STAG1: variants seen among roughly 807,000 people sequenced by gnomAD.
STAG1 encodes the protein cohesin subunit SA-1.
A neutral mutation model predicts 170.9 loss-of-function variants in STAG1; 26 were observed. The observed-to-expected ratio is 0.15, with a 90% CI of 0.11 to 0.21. The LOEUF (loss-of-function observed/expected upper bound fraction) is 0.21, where lower values mean the gene tolerates loss of function less well. Among genes scored for constraint, STAG1 ranks in the 10% least tolerant of loss-of-function variants. The pLI is 1.00. For missense variants in STAG1, 964 were observed against 1,509.5 expected, an observed-to-expected ratio of 0.64 and a Z score of 5.99; for synonymous variants, 514 against 497.7, an observed-to-expected ratio of 1.03 and a Z score of -0.44.
chr3:136,574,149 G>A (rs571591154), intron 4 of STAG1, among the ~76,000 whole-genome samples: 77 of 152,202 alleles, frequency 5.1e-4, no homozygotes, highest in African/African-American at 1.8e-3. Flanking sequence ...GCTGAGGCAG[G>A]AGAATTGGTT....
At chr3:136,364,228 GT>G (rs1936987198) in intron 25 of STAG1, among the ~76,000 whole-genome samples, 1 of 151,832 alleles carries the variant, frequency 6.6e-6, no homozygotes, top group Non-Finnish European at 1.5e-5. Flanking sequence ...GACAACAGGT[GT>G]GTGCCACCAT....
intron 10 of STAG1, among the ~76,000 whole-genome samples, chr3:136,475,941 T>C (rs1290128713): frequency 6.6e-6 from 1 of 152,140 alleles, no homozygotes; most frequent in African/African-American, 2.4e-5. Context: ...TAGCACTAAA[T>C]TGTAAGTGTG....
intron 28 of STAG1, among the ~76,000 whole-genome samples, chr3:136,350,630 G>T (rs667920): frequency 0.78 from 118,106 of 152,054 alleles, 45,943 homozygotes; most frequent in East Asian, 0.86. Context: ...AGGGATGCTG[G>T]TCCATGCCAT....
chr3:136,623,683 G>A (rs1274061257), intron 2 of STAG1, among the ~76,000 whole-genome samples: 2 of 152,066 alleles, frequency 1.3e-5, no homozygotes, highest in Admixed American at 6.6e-5. Context: ...GGCCGGGCAC[G>A]GTGGCTCATG....
At position 136,340,619 on chromosome 3, in the gene STAG1, GGTAT is replaced by G; in HGVS notation, c.3558-18_3558-15del. On this transcript the variant is annotated splice_polypyrimidine_tract_variant and intron_variant, in intron 31 of 33. Transcript: ENST00000383202. Reference sequence around the variant, plus strand: ...ATTAGACCCCGACTGGTAAGAAAAAGGTATTGTCAGAAAGCTCATCAGACTCCAC... The same window carrying G: ...ATTAGACCCCGACTGGTAAGAAAAAGTGTCAGAAAGCTCATCAGACTCCAC... The G allele has an allele frequency of 6.4e-7, 1 of 1,556,726 alleles. No homozygotes were observed. Among genetic ancestry groups the G allele is most frequent in the Non-Finnish European group, 8.9e-7 (1 of 1,127,750 alleles).
rs947937140 is a variant in STAG1 at position 136,632,166 on chromosome 3, T to C, written c.-83-1185A>G. Among the ~76,000 whole-genome samples, 4 of 152,146 alleles carry C rather than the reference T, an allele frequency of 2.6e-5. No individual in the cohort carries two copies. The East Asian group carries it at 7.7e-4, about 29-fold the overall frequency. On this transcript the variant is annotated intron_variant, in intron 1 of 33. Coordinates refer to ENST00000383202, the MANE Select transcript of STAG1 (RefSeq NM_005862.3). Reference sequence around the variant, plus strand: ...CTGAATTACATACCAAGTGATAATCTTTCAAAAAAATGAAAGGAGTCATAC... The same window carrying C: ...CTGAATTACATACCAAGTGATAATCCTTCAAAAAAATGAAAGGAGTCATAC...
At chr3:136,576,044 T>A (rs938215480) in intron 4 of STAG1, among the ~76,000 whole-genome samples, 1 of 152,190 alleles carries the variant, frequency 6.6e-6, no homozygotes, top group East Asian at 1.9e-4. Context: ...TTTATTTGCA[T>A]GGATATAGGT....
intron 21 of STAG1, among the ~76,000 whole-genome samples, chr3:136,403,226 A>T (rs1387801096): frequency 2.3e-5 from 1 of 43,994 alleles, no homozygotes; most frequent in Non-Finnish European, 6.8e-5. Context: ...GACTGTCTTA[A>T]AAAAAAAAAA....
At chr3:136,342,260 C>T (rs1457328183) in intron 30 of STAG1, among the ~76,000 whole-genome samples, 1 of 151,982 alleles carries the variant, frequency 6.6e-6, no homozygotes. Flanking sequence ...ACCTTGTGAT[C>T]CACTTGCCTC....
intron 7 of STAG1, among the ~76,000 whole-genome samples, chr3:136,510,279 A>G (rs1460748613): frequency 2.6e-5 from 4 of 151,992 alleles, no homozygotes; most frequent in African/African-American, 9.7e-5. Context: ...CATGATAGTG[A>G]GTTCTTTGGA....
chr3:136,729,887 T>C (rs1401578413), intron 1 of STAG1, among the ~76,000 whole-genome samples: 1 of 126,472 alleles, frequency 7.9e-6, no homozygotes, highest in African/African-American at 3.2e-5. Flanking sequence ...CTTTTTTTTT[T>C]TTTTTTTTTT....
intron 19 of STAG1, among the ~76,000 whole-genome samples, chr3:136,421,711 T>G (rs1047154194): frequency 1.3e-5 from 2 of 152,188 alleles, no homozygotes; most frequent in African/African-American, 2.4e-5. Context: ...TGCTGATATC[T>G]TGGGCATACC....
chr3:136,367,060 A>G lies in STAG1; in HGVS notation c.2568T>C (p.Ala856=), dbSNP rs1227012805. ...QSMEGDEEDE[A]NKIEALHKRR... Reference sequence around the variant, plus strand: ...TTTTATGTAAGGCCTCAATTTTATTAGCTTCATCTTCTTCATCACCCTCTA... The same window carrying G: ...TTTTATGTAAGGCCTCAATTTTATTGGCTTCATCTTCTTCATCACCCTCTA... The change falls in exon 25 of 34, where the codon GCT becomes GCC. Residue 856 remains alanine (A), a synonymous_variant. Coordinates refer to ENST00000383202, the MANE Select transcript of STAG1 (RefSeq NM_005862.3). 6.2e-7 allele frequency: 1 copy of G among 1,610,230 alleles called. No homozygotes were observed. Among genetic ancestry groups the G allele is most frequent in the Non-Finnish European group, 8.5e-7 (1 of 1,177,666 alleles).
At chr3:136,480,846 G>C (rs1337764377) in intron 9 of STAG1, among the ~76,000 whole-genome samples, 1 of 131,408 alleles carries the variant, frequency 7.6e-6, no homozygotes, top group Non-Finnish European at 1.6e-5. Context: ...AAGCAATTGT[G>C]AATGGGAGTT....
chr3:136,659,778 T>C (rs1169700824), intron 1 of STAG1, among the ~76,000 whole-genome samples: 1 of 152,238 alleles, frequency 6.6e-6, no homozygotes, highest in African/African-American at 2.4e-5. Flanking sequence ...AGGACTAAAA[T>C]TTAGCAATGG....
rs189336943 is a variant in STAG1 at position 136,712,450 on chromosome 3, G to A, written c.-84+39745C>T. Among the ~76,000 whole-genome samples, 7 of 152,206 alleles carry A rather than the reference G, an allele frequency of 4.6e-5. No individual in the cohort carries two copies. In the East Asian group the frequency reaches 1.4e-3, roughly 29 times the overall value. ...TTAAGAATATATAAAAAGCTCCTAT[G>A]AATCAAAATATGCATTAATTAAAAA... On this transcript the variant is annotated intron_variant, in intron 1 of 33. Coordinates refer to ENST00000383202, the MANE Select transcript of STAG1 (RefSeq NM_005862.3).
intron 1 of STAG1, among the ~76,000 whole-genome samples, chr3:136,735,341 G>C (rs138139659): frequency 1.4e-3 from 210 of 152,072 alleles, no homozygotes; most frequent in African/African-American, 4.9e-3. Context: ...GTCCAGTCTG[G>C]TCTCAAACTC....
At chr3:136,563,722 AAAC>A (rs1201445018) in intron 5 of STAG1, among the ~76,000 whole-genome samples, 1 of 151,896 alleles carries the variant, frequency 6.6e-6, no homozygotes, top group African/African-American at 2.4e-5. Context: ...TTTGCCCTAA[AAAC>A]ATATCCAGAG....
chr3:136,542,533 T>G (rs1192469813), intron 5 of STAG1, among the ~76,000 whole-genome samples: 1 of 152,032 alleles, frequency 6.6e-6, no homozygotes, highest in Non-Finnish European at 1.5e-5. Flanking sequence ...TGGTATGCAG[T>G]TTGGTAAATG....
Sources: allele counts gnomAD v4.1 joint callset (sites outside exome capture counted in the v4.1 genomes callset), GRCh38; gene constraint gnomAD v4.1.1; transcripts MANE v1.5; gene names NCBI Gene and HGNC (gene_info 2026-07-23, HGNC 2026-07-21).